C13orf42: variants seen among roughly 807,000 people sequenced by gnomAD.
The protein encoded by C13orf42 is chromosome 13 open reading frame 42.
At chr13:51,133,643 C>T (rs951961026) in intron 1 of C13orf42, among the ~76,000 whole-genome samples, 6 of 152,168 alleles carry the variant, frequency 3.9e-5, no homozygotes, top group African/African-American at 1.2e-4. Context: ...CAGCACAGCC[C>T]CAATGGGCCC....
At chr13:51,153,727 C>T (rs769711115) in intron 1 of C13orf42, among the ~76,000 whole-genome samples, 1 of 148,106 alleles carries the variant, frequency 6.8e-6, no homozygotes, top group African/African-American at 2.5e-5. Context: ...CTGCAACCTC[C>T]GTCTCCTGAG....
At chr13:51,164,430 C>T (rs902956192) in intron 1 of C13orf42, among the ~76,000 whole-genome samples, 5 of 152,186 alleles carry the variant, frequency 3.3e-5, no homozygotes, top group Non-Finnish European at 5.9e-5. Context: ...GGGAAGTTGA[C>T]GCGGGAGGAT....
rs144402261 is a variant in C13orf42 at position 51,083,770 on chromosome 13, T to C, written c.*381A>G. On this transcript the variant is annotated 3_prime_UTR_variant, in exon 4 of 4. Transcript: ENST00000563710. Reference sequence around the variant, plus strand: ...CCCAGAAATCTACAGGTGAGTTCATTTCTGGTACTGAGCACATTGCTAGCA... The same window carrying C: ...CCCAGAAATCTACAGGTGAGTTCATCTCTGGTACTGAGCACATTGCTAGCA... The C allele has an allele frequency of 4.0e-3, 647 of 162,706 alleles. 5 individuals carry two copies. Among genetic ancestry groups the C allele is most frequent in the African/African-American group, 0.015 (612 of 42,046 alleles). The allele number at this position is 162,706 out of a possible 1,614,324, so 10.1% of individuals were successfully genotyped here. A position where few individuals can be genotyped will look rare whatever the true frequency, so the allele number is the denominator to read the frequency against.
At chr13:51,128,185 C>T (rs1953590146) in intron 1 of C13orf42, among the ~76,000 whole-genome samples, 1 of 152,234 alleles carries the variant, frequency 6.6e-6, no homozygotes. Context: ...TAAAAATGGG[C>T]AACTAGCAGC....
At chr13:51,153,454 G>C (rs948052259) in intron 1 of C13orf42, among the ~76,000 whole-genome samples, 1 of 151,926 alleles carries the variant, frequency 6.6e-6, no homozygotes, top group African/African-American at 2.4e-5. Context: ...CAGAGAGAGA[G>C]AGAGAGACAG....
intron 1 of C13orf42, among the ~76,000 whole-genome samples, chr13:51,104,346 T>C (rs995212199): frequency 6.6e-6 from 1 of 152,232 alleles, no homozygotes; most frequent in Non-Finnish European, 1.5e-5. Context: ...TATCTAGTAG[T>C]ATGCACTTTT....
intron 1 of C13orf42, among the ~76,000 whole-genome samples, chr13:51,138,229 T>C (rs975244844): frequency 1.6e-4 from 25 of 152,230 alleles, no homozygotes; most frequent in African/African-American, 6.0e-4. Flanking sequence ...TGGCCTGTTA[T>C]CAGCACCCAC....
upstream of C13orf42, among the ~76,000 whole-genome samples, chr13:51,116,037 C>A (rs770630500): frequency 6.6e-6 from 1 of 151,992 alleles, no homozygotes; most frequent in Non-Finnish European, 1.5e-5. Context: ...CTACACCATC[C>A]CTTCTTACTT....
chr13:51,171,619 A>G (rs368257269), intron 1 of C13orf42, among the ~76,000 whole-genome samples: 88 of 148,946 alleles, frequency 5.9e-4, no homozygotes, highest in East Asian at 1.4e-3. Flanking sequence ...TCTTTTTATC[A>G]CCTCCCCTCC....
chr13:51,124,093 G>GT (rs1953557352), intron 1 of C13orf42, among the ~76,000 whole-genome samples: 1 of 152,108 alleles, frequency 6.6e-6, no homozygotes, highest in Admixed American at 6.5e-5. Context: ...GTCTTTTCCA[G>GT]TTTTTGCATT....
chr13:51,154,642 T>G (rs562769223), intron 1 of C13orf42, among the ~76,000 whole-genome samples: 2 of 152,316 alleles, frequency 1.3e-5, no homozygotes, highest in South Asian at 4.1e-4. Context: ...CAGCATGTAT[T>G]GACATTCATG....
intron 1 of C13orf42, among the ~76,000 whole-genome samples, chr13:51,141,759 C>G (rs1476287859): frequency 6.6e-6 from 1 of 151,836 alleles, no homozygotes; most frequent in African/African-American, 2.4e-5. Context: ...GATCCCACCA[C>G]TGCACTCCAG....
chr13:51,161,880 T>C (rs913391155), intron 1 of C13orf42: 1 of 482,770 alleles, frequency 2.1e-6, no homozygotes, highest in Non-Finnish European at 4.1e-6. Context: ...TTGTCAGTGG[T>C]GGTTCTGGCA....
chr13:51,088,817 G>C (rs1296293301), intron 1 of C13orf42, among the ~76,000 whole-genome samples: 1 of 152,154 alleles, frequency 6.6e-6, no homozygotes, highest in Admixed American at 6.5e-5. Context: ...TAATAAAATA[G>C]AGAGTTTCAA....
At chr13:51,132,340 G>A (rs906582875) in intron 1 of C13orf42, among the ~76,000 whole-genome samples, 2 of 151,982 alleles carry the variant, frequency 1.3e-5, no homozygotes, top group East Asian at 3.9e-4. Flanking sequence ...GGCTGAGGCA[G>A]GAGAATCACT....
intron 1 of C13orf42, among the ~76,000 whole-genome samples, chr13:51,096,160 C>T (rs146943623): frequency 6.6e-6 from 1 of 152,278 alleles, no homozygotes; most frequent in Non-Finnish European, 1.5e-5. Context: ...AGAGTTTGTC[C>T]TCAATGTCTG....
Position 51,085,484 on chromosome 13 carries a change from A to G in C13orf42, c.638T>C (p.Ile213Thr), listed in dbSNP as rs1953112426. 3 of 398,484 alleles carry G rather than the reference A, an allele frequency of 7.5e-6. No individual in the cohort carries two copies. In the South Asian group the frequency reaches 3.8e-4, roughly 51 times the overall value. The allele number at this position is 398,484 out of a possible 1,614,324, so 24.7% of individuals were successfully genotyped here. A position where few individuals can be genotyped will look rare whatever the true frequency, so the allele number is the denominator to read the frequency against. The change falls in exon 3 of 4, where the codon ATC (isoleucine) becomes ACC (threonine). Residue 213 changes from isoleucine (I) to threonine (T), a missense_variant. Ile to Thr is a moderately conservative substitution (Grantham distance 89). Transcript: ENST00000563710. ...LRAPRRHSEDIAAHTVHTVDG... is the reference protein window; with the variant it reads ...LRAPRRHSEDTAAHTVHTVDG... Reference sequence around the variant, plus strand: ...TACAGTATGCACAGTGTGGGCAGCGATATCCTCGGAGTGTCTGCGCGGTGC... The same window carrying G: ...TACAGTATGCACAGTGTGGGCAGCGGTATCCTCGGAGTGTCTGCGCGGTGC...
intron 1 of C13orf42, among the ~76,000 whole-genome samples, chr13:51,170,837 A>C (rs897256231): frequency 1.3e-5 from 2 of 152,020 alleles, no homozygotes; most frequent in African/African-American, 4.8e-5. Context: ...CTTAGTGGCA[A>C]GTCCCGCTTT....
At chr13:51,159,803 C>G (rs992251644) in intron 1 of C13orf42, among the ~76,000 whole-genome samples, 7 of 144,902 alleles carry the variant, frequency 4.8e-5, no homozygotes, top group Non-Finnish European at 7.7e-5. Context: ...ATATGTAAGA[C>G]AGTGTATTAG....
Sources: gnomAD v4.1 joint callset for allele counts (sites outside exome capture counted in the v4.1 genomes callset) on GRCh38, gnomAD v4.1.1 for gene constraint, MANE v1.5 for transcripts, NCBI Gene and HGNC (gene_info 2026-07-23, HGNC 2026-07-21) for gene names.